The following HIVEP1 variants were observed in gnomAD, a reference collection of about 807,000 sequenced individuals.
HIVEP1 encodes HIVEP zinc finger 1, also known as zinc finger protein 40.
HIVEP1 carries 36 observed loss-of-function variants against 180.0 expected under a neutral mutation model. The observed-to-expected ratio is 0.20, with a 90% CI of 0.15 to 0.26. The LOEUF (loss-of-function observed/expected upper bound fraction) is 0.26, where lower values mean the gene tolerates loss of function less well. HIVEP1 is among the 10% of genes least tolerant of loss of function. The pLI, the probability that HIVEP1 is intolerant of heterozygous loss-of-function variation, is 1.00. For synonymous variants in HIVEP1, 1,239 were observed against 1,239.0 expected (o/e 1.00, Z 0.00); for missense variants, 3,143 against 3,268.7 (o/e 0.96, Z 0.94).
intron 3 of HIVEP1, among the ~76,000 whole-genome samples, chr6:12,111,015 G>A (rs151283047): frequency 8.6e-4 from 131 of 152,290 alleles, no homozygotes; most frequent in African/African-American, 2.8e-3. Context: ...GCAGAGAGAC[G>A]GGAATGGCCA....
At chr6:12,168,296 TACA>T (rs1760802824), downstream of HIVEP1, among the ~76,000 whole-genome samples, 2 of 125,712 alleles carry the variant, frequency 1.6e-5, no homozygotes, top group East Asian at 2.2e-4. Flanking sequence ...TATACATATA[TACA>T]TATATACATA....
At position 12,122,544 on chromosome 6, in the gene HIVEP1, C is replaced by G. The variant is rs755497360; in HGVS notation, c.2749C>G (p.Gln917Glu). ...TGAAAGTCATGTTCTTGGTACTGGA[C>G]AGTCCCTGGATGAGAGCCACCAAGG... ...ANESHVLGTG[Q>E]SLDESHQGCH... The change falls in exon 4 of 9, where the codon CAG becomes GAG. Residue 917 changes from glutamine to glutamate, a missense_variant. Transcript: ENST00000379388. 6 of 1,614,090 alleles carry G rather than the reference C, an allele frequency of 3.7e-6. No homozygotes were observed. The African/African-American group carries it at 8.0e-5, about 22-fold the overall frequency.
chr6:12,102,187 G>A (rs991485059), intron 3 of HIVEP1, among the ~76,000 whole-genome samples: 2 of 152,066 alleles, frequency 1.3e-5, no homozygotes, highest in Non-Finnish European at 2.9e-5. Flanking sequence ...ACAATGGATG[G>A]AATCTTCTAG....
rs1757951722 is a variant in HIVEP1 at position 12,124,795 on chromosome 6, A to T, written c.5000A>T (p.Gln1667Leu). 6.2e-7 allele frequency: 1 copy of T among 1,614,200 alleles called. No homozygotes were observed. Among genetic ancestry groups the T allele is most frequent in the Non-Finnish European group, 8.5e-7 (1 of 1,180,020 alleles). Residue 1667 changes from glutamine to leucine, a missense_variant, in exon 4 of 9, where the codon CAG (glutamine) becomes CTG (leucine). By Grantham distance (113) the Gln-to-Leu change is moderately radical. This residue lies in a region of HIVEP1 where 1,357 missense variants were observed against 1,260.5 expected (regional missense o/e 1.08). Transcript: ENST00000379388. ...CTAGTGACCCAAGATCTGCCCAATC[A>T]GCCAATTTGCCAGACTAATCATAGT... Reference protein sequence around the residue: ...QILVTQDLPNQPICQTNHSVV... With the variant: ...QILVTQDLPNLPICQTNHSVV...
rs1480245258 is a variant in HIVEP1, at chr6:12,012,471, G to T, written c.-199G>T. Reference sequence around the variant, plus strand: ...GGCGCCGCCGCCGCCGCCGCGCGGGGGTCGCGGAGATCCCGAGCCGCGGCC... The same window carrying T: ...GGCGCCGCCGCCGCCGCCGCGCGGGTGTCGCGGAGATCCCGAGCCGCGGCC... On this transcript the variant is annotated 5_prime_UTR_variant, in exon 1 of 9. Transcript: ENST00000379388. 1 of 150,180 alleles carries T rather than the reference G, an allele frequency of 6.7e-6. No homozygotes were observed. The highest frequency in any genetic ancestry group is 2.0e-4 in the South Asian group (1 of 5,100). The allele number at this position is 150,180 out of a possible 1,614,324, so 9.3% of individuals were successfully genotyped here.
At chr6:12,193,742 G>A in the HIVEP1 span, among the ~76,000 whole-genome samples, 3 of 152,070 alleles carry the variant, frequency 2.0e-5, no homozygotes, top group African/African-American at 4.8e-5. Context: ...CCCCTACTAC[G>A]GTGCTAAGTA....
chr6:12,032,526 T>G (rs904197679), intron 2 of HIVEP1, among the ~76,000 whole-genome samples: 12 of 152,218 alleles, frequency 7.9e-5, no homozygotes, highest in African/African-American at 2.9e-4. Context: ...TTTAGAGTTG[T>G]GGGATTGGGA....
intron 2 of HIVEP1, among the ~76,000 whole-genome samples, chr6:12,032,275 C>T (rs142528049): frequency 6.1e-4 from 92 of 151,438 alleles, no homozygotes; most frequent in African/African-American, 2.1e-3. Flanking sequence ...CAAGTAGCTG[C>T]GACTACAAGA....
At position 12,123,203 on chromosome 6, in the gene HIVEP1, C is replaced by A; in HGVS notation, c.3408C>A (p.Ile1136=). ...LQRHGTGISV[I]QHTNSLSRPN... ...GACACGGAACTGGAATCTCTGTCATCCAGCACACCAACTCCCTGAGCAGGC... is the reference window on the plus strand; with the variant it reads ...GACACGGAACTGGAATCTCTGTCATACAGCACACCAACTCCCTGAGCAGGC... The change falls in exon 4 of 9, where the codon ATC becomes ATA. Residue 1136 remains isoleucine, a synonymous_variant. Coordinates refer to ENST00000379388, the MANE Select transcript of HIVEP1 (RefSeq NM_002114.4). The A allele has an allele frequency of 6.2e-7, 1 of 1,614,206 alleles. No individual in the cohort carries two copies. The highest frequency in any genetic ancestry group is 8.5e-7 in the Non-Finnish European group (1 of 1,180,024).
At chr6:12,117,680 A>G (rs1775306947) in intron 3 of HIVEP1, among the ~76,000 whole-genome samples, 1 of 152,264 alleles carries the variant, frequency 6.6e-6, no homozygotes, top group Non-Finnish European at 1.5e-5. Flanking sequence ...CAAAACAGGC[A>G]TACCTACCCT....
In HIVEP1 at chr6:12,122,298, C is replaced by G; in HGVS notation, c.2503C>G (p.Pro835Ala). The part of the protein sequence containing the change: ...LLSVPSLDCL[P>A]ITRSNSMPTT... ...GTCTGTACCTTCACTTGACTGTTTACCTATCACAAGAAGTAATTCCATGCC... is the reference window on the plus strand; with the variant it reads ...GTCTGTACCTTCACTTGACTGTTTAGCTATCACAAGAAGTAATTCCATGCC... Residue 835 changes from proline to alanine, a missense_variant, in exon 4 of 9, where the codon CCT becomes GCT. Physicochemically the swap from Pro to Ala is conservative, Grantham distance 27 (BLOSUM62 -1). Around this residue, in one of 12 missense-constraint regions of HIVEP1, gnomAD observed 204 missense variants for 243.7 expected, o/e 0.84. Transcript: ENST00000379388. 1.2e-6 allele frequency: 2 copies of G among 1,614,234 alleles called. No individual in the cohort carries two copies. The highest frequency in any genetic ancestry group is 1.7e-6 in the Non-Finnish European group (2 of 1,180,028).
chr6:12,056,607 T>A (rs1770891681), intron 2 of HIVEP1, among the ~76,000 whole-genome samples: 1 of 152,204 alleles, frequency 6.6e-6, no homozygotes, highest in Non-Finnish European at 1.5e-5. Flanking sequence ...ATGATTTTGT[T>A]TCTTTACAAT....
At chr6:12,180,856 G>T in the HIVEP1 span, among the ~76,000 whole-genome samples, 2 of 152,154 alleles carry the variant, frequency 1.3e-5, no homozygotes, top group African/African-American at 4.8e-5. Flanking sequence ...GCTGCTTAAT[G>T]CTGAATAGGC....
intron 3 of HIVEP1, among the ~76,000 whole-genome samples, chr6:12,092,752 G>C (rs757950662): frequency 7.2e-5 from 11 of 151,890 alleles, no homozygotes; most frequent in Non-Finnish European, 1.5e-4. Flanking sequence ...TGTTTCCCTG[G>C]TTACTAATGT....
At chr6:12,157,619 A>G (rs553636969) in intron 7 of HIVEP1, among the ~76,000 whole-genome samples, 1 of 152,298 alleles carries the variant, frequency 6.6e-6, no homozygotes, top group Admixed American at 6.5e-5. Context: ...TCTACTGTGA[A>G]CGCACAGTAC....
At chr6:12,155,551 C>T (rs897294772) in intron 7 of HIVEP1, among the ~76,000 whole-genome samples, 18 of 152,118 alleles carry the variant, frequency 1.2e-4, no homozygotes, top group African/African-American at 4.1e-4. Context: ...AGGATTATGG[C>T]TTCCAAATCC....
the HIVEP1 span, among the ~76,000 whole-genome samples, chr6:12,188,485 A>T: frequency 9.2e-5 from 14 of 152,192 alleles, no homozygotes; most frequent in South Asian, 4.1e-4. Flanking sequence ...AACTATATTG[A>T]TATTTGTAGA....
chr6:12,160,517 T>G (rs769975565), intron 7 of HIVEP1, among the ~76,000 whole-genome samples: 4 of 152,144 alleles, frequency 2.6e-5, no homozygotes, highest in Non-Finnish European at 5.9e-5. Context: ...TTGAAAGAGT[T>G]GACTTGAGCC....
the HIVEP1 span, among the ~76,000 whole-genome samples, chr6:12,187,671 CA>C: frequency 6.6e-6 from 1 of 151,170 alleles, no homozygotes; most frequent in Admixed American, 6.6e-5. Context: ...TGGCTCACTG[CA>C]ACCTCTGACT....
Sources: allele counts gnomAD v4.1 joint callset (sites outside exome capture counted in the v4.1 genomes callset), GRCh38; gene constraint gnomAD v4.1.1; regional missense constraint gnomAD v4.1.1; transcripts MANE v1.5; gene names NCBI Gene and HGNC (gene_info 2026-07-23, HGNC 2026-07-21).